KCNQ3: variants seen among roughly 807,000 people sequenced by gnomAD.
KCNQ3 encodes potassium voltage-gated channel subfamily Q member 3, also known as potassium voltage-gated channel subfamily KQT member 3.
Under a neutral mutation model 92.5 loss-of-function variants are expected in KCNQ3, and 30 were observed. The observed-to-expected ratio is 0.32, with a 90% CI of 0.24 to 0.44. KCNQ3 has a LOEUF of 0.44. Ranked by LOEUF, KCNQ3 falls within the 20% of genes least tolerant of loss-of-function variation. The pLI, the probability that KCNQ3 is intolerant of heterozygous loss-of-function variation, is 1.00. For synonymous variants in KCNQ3, 450 were observed against 468.8 expected, an observed-to-expected ratio of 0.96 and a Z score of 0.52; for missense variants, 913 against 1,140.3, an observed-to-expected ratio of 0.80 and a Z score of 2.87.
chr8:132,277,741 A>T (rs1422112926), intron 1 of KCNQ3, among the ~76,000 whole-genome samples: 1 of 152,122 alleles, frequency 6.6e-6, no homozygotes. Flanking sequence ...TCCCCAAAGG[A>T]CGGCCCAGAA....
Position 132,480,977 on chromosome 8 carries a change from G to GCGCCGC in KCNQ3, c.-451_-446dup, listed in dbSNP as rs566215826. ...CCGCCCTCCCGCCCGCCAGCCACAC[G>GCGCCGC]CGCCGCCGCCGCCGCCTCCTCCCTC... On this transcript the variant is annotated 5_prime_UTR_variant, in exon 1 of 15. Coordinates refer to ENST00000388996, the MANE Select transcript of KCNQ3 (RefSeq NM_004519.4). 5.4e-5 allele frequency: 8 copies of GCGCCGC among 147,802 alleles called. No individual in the cohort carries two copies. The highest frequency in any genetic ancestry group is 1.9e-4 in the South Asian group (1 of 5,198). The allele number at this position is 147,802 out of a possible 1,614,324, so 9.2% of individuals were successfully genotyped here. A position where few individuals can be genotyped will look rare whatever the true frequency, so the allele number is the denominator to read the frequency against.
chr8:132,434,950 T>C (rs1252790762), intron 1 of KCNQ3, among the ~76,000 whole-genome samples: 2 of 152,234 alleles, frequency 1.3e-5, no homozygotes, highest in African/African-American at 4.8e-5. Context: ...TTTCTGAGTC[T>C]GAACAGTTTC....
intron 1 of KCNQ3, among the ~76,000 whole-genome samples, chr8:132,380,762 C>T (rs1193509016): frequency 1.4e-5 from 2 of 147,582 alleles, no homozygotes; most frequent in Non-Finnish European, 3.0e-5. Flanking sequence ...TTAATATTCA[C>T]GGAATAGCCT....
intron 1 of KCNQ3, among the ~76,000 whole-genome samples, chr8:132,319,997 G>GTGAA (rs1376281512): frequency 6.6e-6 from 1 of 152,160 alleles, no homozygotes; most frequent in East Asian, 1.9e-4. Context: ...GAACTACCTG[G>GTGAA]TGAATGAATG....
intron 1 of KCNQ3, among the ~76,000 whole-genome samples, chr8:132,419,866 A>C: frequency 6.6e-6 from 1 of 152,240 alleles, no homozygotes; most frequent in Admixed American, 6.5e-5. Context: ...GAAAACCTGC[A>C]TTCTTCCAAA....
chr8:132,134,258 C>T (rs1824989215), intron 13 of KCNQ3, 32 bp downstream of exon 13: 1 of 1,553,188 alleles, frequency 6.4e-7, no homozygotes, highest in Non-Finnish European at 8.9e-7. Flanking sequence ...CTTTGCACCC[C>T]TGGCCCATCA....
At chr8:132,146,882 T>A (rs1379051453) in intron 9 of KCNQ3, among the ~76,000 whole-genome samples, 1 of 150,248 alleles carries the variant, frequency 6.7e-6, no homozygotes, top group Admixed American at 6.6e-5. Flanking sequence ...AGTTTCAAAC[T>A]CTTGAGCTCA....
chr8:132,379,566 C>A (rs550205000), intron 1 of KCNQ3, among the ~76,000 whole-genome samples: 3 of 152,358 alleles, frequency 2.0e-5, no homozygotes, highest in African/African-American at 7.2e-5. Context: ...CCTTCCCAAA[C>A]CCTTACCAGT....
At position 132,163,360 on chromosome 8, in the gene KCNQ3, C is replaced by G. The variant is rs144898115; in HGVS notation, c.1262+108G>C. The G allele has an allele frequency of 3.4e-4, 315 of 919,004 alleles. 1 individual carries two copies. In the African/African-American group the frequency reaches 4.2e-3, roughly 12 times the overall value. The allele number at this position is 919,004 out of a possible 1,614,324, so 56.9% of individuals were successfully genotyped here. On this transcript the variant is annotated intron_variant, in intron 9 of 14. Coordinates refer to ENST00000388996, the MANE Select transcript of KCNQ3 (RefSeq NM_004519.4). The stretch of plus-strand genomic sequence containing the variant: ...CAGCAACAGTGTGACCCCAAAGACT[C>G]TATCTTGGGACCAGCATGACCTCCC...
At chr8:132,296,255 C>T (rs1221326468) in intron 1 of KCNQ3, among the ~76,000 whole-genome samples, 1 of 152,066 alleles carries the variant, frequency 6.6e-6, no homozygotes, top group Non-Finnish European at 1.5e-5. Flanking sequence ...TCAGCGAGGT[C>T]CTGTAAACCC....
chr8:132,278,232 A>G (rs928887331), intron 1 of KCNQ3: 32 of 984,448 alleles, frequency 3.3e-5, no homozygotes, highest in Non-Finnish European at 3.6e-5. Flanking sequence ...TTAGCATACA[A>G]AAGTAGAGGC....
At chr8:132,226,866 T>C (rs10109590) in intron 1 of KCNQ3, among the ~76,000 whole-genome samples, 1,946 of 152,236 alleles carry the variant, frequency 0.013, 18 homozygotes, top group South Asian at 0.049. Context: ...ATGACACTCA[T>C]ATAAAGGTTT....
chr8:132,258,127 A>G (rs1452431837), intron 1 of KCNQ3, among the ~76,000 whole-genome samples: 2 of 152,188 alleles, frequency 1.3e-5, no homozygotes, highest in African/African-American at 2.4e-5. Context: ...CGATAATGAA[A>G]CAAAAGACTT....
At chr8:132,400,195 G>A (rs558498861) in intron 1 of KCNQ3, among the ~76,000 whole-genome samples, 2 of 152,312 alleles carry the variant, frequency 1.3e-5, no homozygotes, top group African/African-American at 4.8e-5. Flanking sequence ...CAGCGTCTGT[G>A]TGCCTCTTGT....
At chr8:132,474,711 T>C (rs1311906764) in intron 1 of KCNQ3, among the ~76,000 whole-genome samples, 1 of 151,592 alleles carries the variant, frequency 6.6e-6, no homozygotes, top group East Asian at 1.9e-4. Context: ...TGCTGTGGAG[T>C]GGTAAGGTTA....
chr8:132,301,603 A>T (rs79737682), intron 1 of KCNQ3, among the ~76,000 whole-genome samples: 2,969 of 152,302 alleles, frequency 0.019, 66 homozygotes, highest in South Asian at 0.068. Context: ...ACTAAATGGG[A>T]ATACTGAACC....
intron 1 of KCNQ3, among the ~76,000 whole-genome samples, chr8:132,286,311 G>A (rs1418770665): frequency 1.3e-5 from 2 of 152,176 alleles, no homozygotes; most frequent in African/African-American, 4.8e-5. Context: ...CTGAGGCCTT[G>A]GGAGCCCAGC....
chr8:132,211,233 A>G (rs1180706299), intron 1 of KCNQ3, among the ~76,000 whole-genome samples: 1 of 152,266 alleles, frequency 6.6e-6, no homozygotes, highest in Admixed American at 6.5e-5. Context: ...ATGGACAAAA[A>G]TAGACTCCAA....
intron 1 of KCNQ3, among the ~76,000 whole-genome samples, chr8:132,237,234 G>A (rs1199879338): frequency 6.6e-6 from 1 of 152,118 alleles, no homozygotes; most frequent in Non-Finnish European, 1.5e-5. Context: ...GACACATGGA[G>A]ACTGGATAAG....
Sources: gnomAD v4.1 joint callset for allele counts (sites outside exome capture counted in the v4.1 genomes callset) on GRCh38, gnomAD v4.1.1 for gene constraint, MANE v1.5 for transcripts, NCBI Gene and HGNC (gene_info 2026-07-23, HGNC 2026-07-21) for gene names.